OGT: variants seen among roughly 807,000 people sequenced by gnomAD.
OGT encodes the protein UDP-N-acetylglucosamine--peptide N-acetylglucosaminyltransferase 110 kDa subunit.
A neutral mutation model predicts 75.8 loss-of-function variants in OGT; 3 were observed. The ratio of observed to expected loss-of-function variants is 0.04; its 90% CI spans 0.02 to 0.10. The LOEUF is 0.10. Among genes scored for constraint, OGT ranks in the 10% least tolerant of loss-of-function variants. The probability of loss-of-function intolerance (pLI) is 1.00; values close to 1 mark genes in which losing one functional copy is unlikely to be tolerated. For synonymous variants in OGT, 257 were observed against 289.7 expected, an observed-to-expected ratio of 0.89 and a Z score of 1.15; for missense variants, 260 against 824.4, an observed-to-expected ratio of 0.32 and a Z score of 8.38.
intron 1 of OGT, among the ~76,000 whole-genome samples, chrX:71,534,610 G>A (rs186895965): frequency 9.9e-4 from 110 of 111,050 alleles, no homozygotes; most frequent in Non-Finnish European, 1.8e-3. Flanking sequence ...TAATTGTAGG[G>A]AGTGGGATTA....
chrX:71,549,871 T>A (rs1014236714), intron 5 of OGT, among the ~76,000 whole-genome samples: 4 of 111,739 alleles, frequency 3.6e-5, no homozygotes, highest in African/African-American at 9.8e-5. Context: ...TTAAAAAAAA[T>A]TTTTGGAATG....
At chrX:71,566,474 A>G (rs1569430467) in intron 19 of OGT, among the ~76,000 whole-genome samples, 1 of 111,971 alleles carries the variant, frequency 8.9e-6, no homozygotes, top group Non-Finnish European at 1.9e-5. Context: ...GATGGCAGGA[A>G]GAAGGGCTGA....
At chrX:71,539,963 G>C (rs1363766937) in intron 3 of OGT, among the ~76,000 whole-genome samples, 1 of 112,284 alleles carries the variant, frequency 8.9e-6, no homozygotes, top group Non-Finnish European at 1.9e-5. Flanking sequence ...TAAAGTGAGA[G>C]ATGGAACCTT....
At chrX:71,548,050 T>TA in intron 5 of OGT, 27 bp downstream of exon 5, 1 of 1,191,302 alleles carries the variant, frequency 8.4e-7, no homozygotes, top group Non-Finnish European at 1.1e-6. Flanking sequence ...ATAATTGGTA[T>TA]TTTTGAAGTG....
chrX:71,569,626 G>A, intron 21 of OGT, among the ~76,000 whole-genome samples: 1 of 111,127 alleles, frequency 9.0e-6, no homozygotes, highest in Non-Finnish European at 1.9e-5. Context: ...GAGTAGCAGG[G>A]ACCATAGGAC....
rs760627932 is a variant in OGT at position 71,568,107 on chromosome X, A to G, written c.2957A>G (p.Asp986Gly). The G allele has an allele frequency of 8.4e-7, 1 of 1,193,718 alleles. No individual in the cohort carries two copies. Among genetic ancestry groups the G allele is most frequent in the Non-Finnish European group, 1.1e-6 (1 of 888,130 alleles). Reference protein sequence around the residue: ...YEDIAVKLGTDLEYLKKVRGK... With the variant: ...YEDIAVKLGTGLEYLKKVRGK... ...GACATAGCTGTGAAGCTGGGAACTG[A>G]TCTAGAATAGTAAGTAAACTTTTCC... The change falls in exon 21 of 22, where the codon GAT becomes GGT. Residue 986 changes from aspartate (D) to glycine (G), a missense_variant. Physicochemically the swap from Asp to Gly is moderately conservative, Grantham distance 94. Around this residue, in one of 6 missense-constraint regions of OGT, gnomAD observed 34 missense variants for 57.5 expected, o/e 0.59. Coordinates refer to ENST00000373719, the MANE Select transcript of OGT (RefSeq NM_181672.3).
chrX:71,541,593 A>G (rs1002740399), intron 3 of OGT, among the ~76,000 whole-genome samples: 1 of 111,661 alleles, frequency 9.0e-6, no homozygotes, highest in Non-Finnish European at 1.9e-5. Context: ...TGACCTAAGC[A>G]TTCTGTAGGA....
At chrX:71,558,471 G>A (rs1421502941) in intron 12 of OGT, among the ~76,000 whole-genome samples, 1 of 108,363 alleles carries the variant, frequency 9.2e-6, no homozygotes, top group African/African-American at 3.4e-5. Context: ...AGTGATGCTC[G>A]TGCCTTAGCT....
At chrX:71,570,234 T>G (rs1045155373) in intron 21 of OGT, among the ~76,000 whole-genome samples, 8 of 106,626 alleles carry the variant, frequency 7.5e-5, no homozygotes, top group African/African-American at 2.8e-4. Flanking sequence ...GGAGGCTGGA[T>G]TTCACTATGC....
chrX:71,559,437 G>A lies in OGT; in HGVS notation c.1761+12G>A. 8.4e-7 allele frequency: 1 copy of A among 1,194,990 alleles called. No individual in the cohort carries two copies. Among genetic ancestry groups the A allele is most frequent in the Non-Finnish European group, 1.1e-6 (1 of 884,807 alleles). Reference sequence around the variant, plus strand: ...CTGATAAATTTGAGGTAAGACTAGTGTTTCTCTAGAATCACTATTTGTTTA... The same window carrying A: ...CTGATAAATTTGAGGTAAGACTAGTATTTCTCTAGAATCACTATTTGTTTA... On this transcript the variant is annotated intron_variant, in intron 13 of 21. Transcript: ENST00000373719.
At chrX:71,556,881 G>C (rs1602148311) in intron 9 of OGT, 71 bp from the exon 10 acceptor site, 1 of 1,111,268 alleles carries the variant, frequency 9.0e-7, no homozygotes, top group East Asian at 3.0e-5. Flanking sequence ...AATAACAACG[G>C]AATAAGTTAG....
intron 5 of OGT, 64 bp from the exon 6 acceptor site, chrX:71,554,449 T>C: frequency 1.3e-6 from 1 of 772,556 alleles, no homozygotes; most frequent in Non-Finnish European, 2.0e-6. Context: ...AAAATTGTAA[T>C]TGGGAAGTTG....
In OGT at chrX:71,536,962, G is replaced by GTTT. The variant is rs1195640430; in HGVS notation, c.218+625_218+627dup. The GTTT allele has an allele frequency of 7.9e-3, 966 of 121,642 alleles. 1 individual carries two copies. The highest frequency in any genetic ancestry group is 0.012 in the Middle Eastern group (3 of 258). The allele number at this position is 121,642 out of a possible 1,213,427, so 10.0% of individuals were successfully genotyped here. Reference sequence around the variant, plus strand: ...ATGATCATGATTTCCAATGTGGTGGGTTTTTTTTTTTTTTTTTTTTTTTGA... The same window carrying GTTT: ...ATGATCATGATTTCCAATGTGGTGGGTTTTTTTTTTTTTTTTTTTTTTTTTTGA... On this transcript the variant is annotated intron_variant, in intron 2 of 21. Coordinates refer to ENST00000373719, the MANE Select transcript of OGT (RefSeq NM_181672.3).
intron 21 of OGT, among the ~76,000 whole-genome samples, chrX:71,571,416 T>A (rs922849543): frequency 3.6e-5 from 4 of 112,212 alleles, no homozygotes; most frequent in African/African-American, 1.3e-4. Flanking sequence ...CATATATTTT[T>A]TTGAGGTAGG....
chrX:71,535,553 G>A lies in OGT; in HGVS notation c.38-625G>A, dbSNP rs374326585. Among the ~76,000 whole-genome samples the A allele has an allele frequency of 2.8e-4, 31 of 111,917 alleles. 1 individual carries two copies. The South Asian group carries it at 0.012, about 42-fold the overall frequency. ...TTGTTTATCAGCTGTTTTAAAAATA[G>A]CACTTTGACTTTTTGGTTTTTCCCT... On this transcript the variant is annotated intron_variant, in intron 1 of 21. Coordinates refer to ENST00000373719, the MANE Select transcript of OGT (RefSeq NM_181672.3).
chrX:71,557,841 A>G (rs1390698431), intron 12 of OGT, among the ~76,000 whole-genome samples, 169 bp downstream of exon 12: 2 of 112,204 alleles, frequency 1.8e-5, no homozygotes, highest in African/African-American at 6.5e-5. Flanking sequence ...TGTCCTGAGT[A>G]TAACCCCCTG....
chrX:71,567,511 T>C lies in OGT; in HGVS notation c.2601T>C (p.Arg867=), dbSNP rs749516513. ...TTTCCCTATTTTAGATTCTGAAGCGTGTTCCCAATAGTGTACTCTGGCTGT... is the reference window on the plus strand; with the variant it reads ...TTTCCCTATTTTAGATTCTGAAGCGCGTTCCCAATAGTGTACTCTGGCTGT... ...TLQMWANILK[R]VPNSVLWLLR... is the part of the protein sequence containing the mutation. Residue 867 remains arginine (R), a synonymous_variant, in exon 20 of 22, where the codon CGT becomes CGC. Transcript: ENST00000373719. 1.8e-6 allele frequency: 2 copies of C among 1,137,256 alleles called. No individual in the cohort carries two copies. The highest frequency in any genetic ancestry group is 2.3e-6 in the Non-Finnish European group (2 of 853,396). The allele number at this position is 1,137,256 out of a possible 1,213,427, so 93.7% of individuals were successfully genotyped here. A position where few individuals can be genotyped will look rare whatever the true frequency, so the allele number is the denominator to read the frequency against.
At chrX:71,570,103 C>T (rs1433379143) in intron 21 of OGT, among the ~76,000 whole-genome samples, 15 of 86,506 alleles carry the variant, frequency 1.7e-4, no homozygotes, top group East Asian at 8.0e-4. Context: ...TGCAATGGCA[C>T]GATCTCGGCT....
chrX:71,536,617 C>T (rs2040177578), intron 2 of OGT: 3 of 260,640 alleles, frequency 1.2e-5, no homozygotes, highest in Admixed American at 1.3e-4. Flanking sequence ...TTTCTAGACT[C>T]TGTTCAGGTA....
Sources: allele counts gnomAD v4.1 joint callset (sites outside exome capture counted in the v4.1 genomes callset), GRCh38; gene constraint gnomAD v4.1.1; regional missense constraint gnomAD v4.1.1; transcripts MANE v1.5; gene names NCBI Gene and HGNC (gene_info 2026-07-23, HGNC 2026-07-21).